The following LMBR1 variants were observed in gnomAD, a reference collection of about 807,000 sequenced individuals.
The protein encoded by LMBR1 is limb region 1 protein homolog.
Under a neutral mutation model 73.9 loss-of-function variants are expected in LMBR1, and 52 were observed. The observed-to-expected ratio is 0.70, with a 90% confidence interval of 0.56 to 0.89. The LOEUF is 0.89. Among genes scored for constraint, LMBR1 ranks in the 40% least tolerant of loss-of-function variants. The pLI is 0.00. For missense variants in LMBR1, 539 were observed against 579.8 expected (o/e 0.93, Z 0.72); for synonymous variants, 215 against 209.4 (o/e 1.03, Z -0.23).
intron 10 of LMBR1, among the ~76,000 whole-genome samples, chr7:156,729,842 T>G (rs1228280589): frequency 6.6e-6 from 1 of 152,192 alleles, no homozygotes; most frequent in Admixed American, 6.5e-5. Flanking sequence ...TACTTTTACC[T>G]ATAACACCAA....
chr7:156,849,146 T>C (rs570276878), intron 1 of LMBR1, among the ~76,000 whole-genome samples: 1 of 152,210 alleles, frequency 6.6e-6, no homozygotes, highest in East Asian at 1.9e-4. Flanking sequence ...GAAAATGTGG[T>C]ATGTACATAC....
intron 1 of LMBR1, among the ~76,000 whole-genome samples, chr7:156,846,481 C>T (rs928011500): frequency 2.0e-5 from 3 of 152,082 alleles, no homozygotes; most frequent in African/African-American, 4.8e-5. Flanking sequence ...AACTATAAAT[C>T]TATCAAAATA....
At position 156,865,447 on chromosome 7, in the gene LMBR1, G is replaced by C. The variant is rs75777924; in HGVS notation, c.66+27481C>G. Among the ~76,000 whole-genome samples, 711 of 152,294 alleles carry C rather than the reference G, an allele frequency of 4.7e-3. 7 individuals carry two copies. Among genetic ancestry groups the C allele is most frequent in the African/African-American group, 0.016 (685 of 41,558 alleles). The stretch of plus-strand genomic sequence containing the variant: ...AGACATTAAAGAATTTCTGAATATA[G>C]AAAGACATCACATGTTCATGGATTG... On this transcript the variant is annotated intron_variant, in intron 1 of 16. Transcript: ENST00000353442.
At chr7:156,696,384 G>A (rs930891538) in intron 15 of LMBR1, among the ~76,000 whole-genome samples, 2 of 152,094 alleles carry the variant, frequency 1.3e-5, no homozygotes, top group East Asian at 1.9e-4. Flanking sequence ...AAATCCAATC[G>A]TTAAAATTAA....
chr7:156,805,481 G>A (rs571951797), intron 4 of LMBR1, among the ~76,000 whole-genome samples: 1 of 152,226 alleles, frequency 6.6e-6, no homozygotes, highest in African/African-American at 2.4e-5. Flanking sequence ...CTCCCAAAGC[G>A]CTGGGATTAC....
intron 5 of LMBR1, among the ~76,000 whole-genome samples, chr7:156,779,070 GA>G (rs1294792743): frequency 1.3e-5 from 2 of 152,174 alleles, no homozygotes; most frequent in Admixed American, 1.3e-4. Context: ...TTCCTCTAGT[GA>G]AAAAAGTCTC....
chr7:156,824,991 C>T (rs1216207057), intron 4 of LMBR1, among the ~76,000 whole-genome samples: 1 of 152,172 alleles, frequency 6.6e-6, no homozygotes, highest in Non-Finnish European at 1.5e-5. Flanking sequence ...AGCTGTAACG[C>T]TACCACACAA....
intron 9 of LMBR1, among the ~76,000 whole-genome samples, chr7:156,754,951 CA>C (rs1821581827): frequency 6.6e-6 from 1 of 152,170 alleles, no homozygotes; most frequent in Non-Finnish European, 1.5e-5. Context: ...CAGCAAACAG[CA>C]AAATCATAAT....
intron 15 of LMBR1, among the ~76,000 whole-genome samples, chr7:156,717,721 T>C (rs191846860): frequency 0.012 from 1,828 of 152,320 alleles, 23 homozygotes; most frequent in Middle Eastern, 0.034. Flanking sequence ...TTCAAAACAT[T>C]TTCTTCTTTT....
intron 9 of LMBR1, among the ~76,000 whole-genome samples, chr7:156,750,688 G>A (rs1365115871): frequency 2.0e-5 from 3 of 152,064 alleles, no homozygotes; most frequent in Non-Finnish European, 4.4e-5. Flanking sequence ...TTTACTTATG[G>A]GACAAATGTT....
At chr7:156,735,402 T>C (rs542477352) in intron 9 of LMBR1, among the ~76,000 whole-genome samples, 2 of 152,186 alleles carry the variant, frequency 1.3e-5, no homozygotes, top group South Asian at 4.2e-4. Context: ...ATTTATCACC[T>C]GAATTTTCCC....
intron 5 of LMBR1, among the ~76,000 whole-genome samples, chr7:156,774,794 T>C (rs1256804370): frequency 1.3e-5 from 2 of 152,078 alleles, no homozygotes; most frequent in Admixed American, 6.5e-5. Context: ...ATTGTGCCAC[T>C]GCATTCCAGC....
intron 1 of LMBR1, among the ~76,000 whole-genome samples, chr7:156,874,053 G>C (rs1200628180): frequency 6.6e-6 from 1 of 152,260 alleles, no homozygotes; most frequent in Non-Finnish European, 1.5e-5. Flanking sequence ...CGTGGAGCAG[G>C]GGGTGGTGCT....
At position 156,728,717 on chromosome 7, in the gene LMBR1, C is replaced by T; in HGVS notation, c.842G>A (p.Arg281Lys). Residue 281 changes from arginine to lysine, a missense_variant, in exon 11 of 17, where the codon AGG becomes AAG. Physicochemically the swap from Arg to Lys is conservative, Grantham distance 26. Coordinates refer to ENST00000353442, the MANE Select transcript of LMBR1 (RefSeq NM_022458.4). ...TTCCCATGCTGAAGCCTTTTTTCGC[C>T]TCTCTATTAAAAGGAAAAACAAAAT... is the stretch of plus-strand genomic sequence containing the variant. ...NVKTLKTKLE[R>K]RKKASAWERN... is the part of the protein sequence containing the mutation. 6.3e-7 allele frequency: 1 copy of T among 1,596,792 alleles called. No individual in the cohort carries two copies. Among genetic ancestry groups the T allele is most frequent in the Non-Finnish European group, 8.5e-7 (1 of 1,173,994 alleles).
At chr7:156,791,383 T>C (rs1423164872) in intron 5 of LMBR1, among the ~76,000 whole-genome samples, 1 of 152,212 alleles carries the variant, frequency 6.6e-6, no homozygotes, top group Non-Finnish European at 1.5e-5. Context: ...AGACAGAGGC[T>C]GGACTTCCTA....
intron 1 of LMBR1, among the ~76,000 whole-genome samples, chr7:156,851,375 A>C (rs893178365): frequency 1.3e-5 from 2 of 152,246 alleles, no homozygotes; most frequent in African/African-American, 4.8e-5. Context: ...AGGCAAAGCA[A>C]TGCTTCCTCA....
At chr7:156,687,582 T>G (rs1806247542) in intron 16 of LMBR1, among the ~76,000 whole-genome samples, 1 of 152,218 alleles carries the variant, frequency 6.6e-6, no homozygotes, top group Admixed American at 6.5e-5. Flanking sequence ...CTTGAATTTA[T>G]TCTCTGGCTT....
At chr7:156,868,172 T>C (rs1798739799) in intron 1 of LMBR1, among the ~76,000 whole-genome samples, 1 of 151,516 alleles carries the variant, frequency 6.6e-6, no homozygotes, top group Admixed American at 6.6e-5. Flanking sequence ...TCTATAGATC[T>C]ATAAATTTGA....
At chr7:156,824,247 A>T (rs1835288638) in intron 4 of LMBR1, among the ~76,000 whole-genome samples, 1 of 152,190 alleles carries the variant, frequency 6.6e-6, no homozygotes, top group African/African-American at 2.4e-5. Flanking sequence ...GAAAAAAATA[A>T]GGGAGCGGTT....
Sources: gnomAD v4.1 joint callset for allele counts (sites outside exome capture counted in the v4.1 genomes callset) on GRCh38, gnomAD v4.1.1 for gene constraint, MANE v1.5 for transcripts, NCBI Gene and HGNC (gene_info 2026-07-23, HGNC 2026-07-21) for gene names.